PACRG: variants seen among roughly 807,000 people sequenced by gnomAD.
PACRG encodes the protein parkin coregulated gene protein.
A neutral mutation model predicts 29.7 loss-of-function variants in PACRG; 29 were observed. The ratio of observed to expected loss-of-function variants is 0.98; its 90% confidence interval spans 0.73 to 1.33. The LOEUF (loss-of-function observed/expected upper bound fraction) is 1.33, where lower values mean the gene tolerates loss of function less well. PACRG is among the 40% of genes most tolerant of loss of function. The pLI, the probability that PACRG is intolerant of heterozygous loss-of-function variation, is 0.00. For missense variants in PACRG, 279 were observed against 316.2 expected (o/e 0.88, Z 0.89); for synonymous variants, 116 against 118.7 (o/e 0.98, Z 0.15).
intron 2 of PACRG, among the ~76,000 whole-genome samples, chr6:162,846,823 G>GCACACTGTCCACTGTGCTCCC (rs1562657956): frequency 2.0e-5 from 3 of 151,430 alleles, no homozygotes; most frequent in Admixed American, 6.6e-5. Context: ...TCTGTGCTCC[G>GCACACTGTCCACTGTGCTCCC]CACACTGTCC....
intron 1 of PACRG, among the ~76,000 whole-genome samples, chr6:162,757,491 T>C (rs1021181249): frequency 2.6e-5 from 4 of 152,122 alleles, no homozygotes; most frequent in Non-Finnish European, 5.9e-5. Flanking sequence ...GCAGATCACC[T>C]GAGGTCAGGA....
In PACRG at chr6:163,162,859, G is replaced by C. The variant is rs79820765; in HGVS notation, c.613+73451G>C. Among the ~76,000 whole-genome samples the C allele has an allele frequency of 1.4e-3, 216 of 152,334 alleles. 1 individual carries two copies. Among genetic ancestry groups the C allele is most frequent in the African/African-American group, 5.1e-3 (210 of 41,566 alleles). On this transcript the variant is annotated intron_variant, in intron 4 of 4. Transcript: ENST00000366888. ...CTCTAACTCTGACTATGAAACTGGT[G>C]ATGAAGACAGAGCCAGTCCTTCTGG...
chr6:163,255,864 G>C (rs1783085910), intron 4 of PACRG, among the ~76,000 whole-genome samples: 1 of 152,104 alleles, frequency 6.6e-6, no homozygotes, highest in Non-Finnish European at 1.5e-5. Flanking sequence ...TCAAACTCCT[G>C]GCCTCAAGTG....
At chr6:162,984,085 C>A (rs529477458) in intron 2 of PACRG, among the ~76,000 whole-genome samples, 1 of 151,812 alleles carries the variant, frequency 6.6e-6, no homozygotes, top group African/African-American at 2.4e-5. Flanking sequence ...TGAATAATTT[C>A]TTTAGTGGTG....
chr6:162,862,664 C>T (rs1319006652), intron 2 of PACRG, among the ~76,000 whole-genome samples: 1 of 152,190 alleles, frequency 6.6e-6, no homozygotes, highest in Non-Finnish European at 1.5e-5. Context: ...GAAAAGCTTG[C>T]TTGTCTGCTT....
intron 2 of PACRG, among the ~76,000 whole-genome samples, chr6:163,022,128 G>C (rs1028459622): frequency 6.6e-6 from 1 of 152,168 alleles, no homozygotes; most frequent in African/African-American, 2.4e-5. Context: ...AGTGCACTCA[G>C]ACCATCTGAA....
chr6:162,820,188 T>G (rs1245719871), intron 2 of PACRG, among the ~76,000 whole-genome samples: 2 of 152,220 alleles, frequency 1.3e-5, no homozygotes, highest in Non-Finnish European at 2.9e-5. Context: ...ATAAATTAAT[T>G]AGATGCATAA....
intron 4 of PACRG, among the ~76,000 whole-genome samples, chr6:163,203,904 G>A (rs1235422006): frequency 6.6e-6 from 1 of 152,208 alleles, no homozygotes. Flanking sequence ...TCATATTGGG[G>A]TATAGTTGTT....
intron 2 of PACRG, among the ~76,000 whole-genome samples, chr6:162,987,523 C>G (rs115632464): frequency 6.6e-6 from 1 of 152,072 alleles, no homozygotes; most frequent in Non-Finnish European, 1.5e-5. Context: ...ATAAGTCCCA[C>G]GAGATCTGAT....
intron 2 of PACRG, among the ~76,000 whole-genome samples, chr6:163,015,589 A>C (rs1202561841): frequency 6.6e-6 from 1 of 152,006 alleles, no homozygotes; most frequent in Admixed American, 6.6e-5. Flanking sequence ...ATGTATTCCT[A>C]GGTATTTTCT....
At chr6:163,138,506 T>C (rs1313454145) in intron 4 of PACRG, among the ~76,000 whole-genome samples, 1 of 152,168 alleles carries the variant, frequency 6.6e-6, no homozygotes, top group Non-Finnish European at 1.5e-5. Flanking sequence ...ATGAAACTGC[T>C]CCACCTCAGA....
At chr6:163,251,105 TA>T (rs771316501) in intron 4 of PACRG, among the ~76,000 whole-genome samples, 3 of 151,622 alleles carry the variant, frequency 2.0e-5, no homozygotes, top group Non-Finnish European at 4.4e-5. Flanking sequence ...TCTGGGAGCT[TA>T]GGGGGAAGAG....
chr6:162,810,274 T>G (rs1181502041), intron 1 of PACRG, among the ~76,000 whole-genome samples: 1 of 152,126 alleles, frequency 6.6e-6, no homozygotes, highest in Non-Finnish European at 1.5e-5. Flanking sequence ...TACCCCAACT[T>G]GGCAGTAATA....
intron 2 of PACRG, among the ~76,000 whole-genome samples, chr6:163,007,647 G>A (rs1385672165): frequency 1.3e-5 from 2 of 152,172 alleles, no homozygotes; most frequent in Non-Finnish European, 2.9e-5. Context: ...TTTGTGTCCT[G>A]CTTCTTAGGG....
chr6:163,137,815 A>T (rs924832114), intron 4 of PACRG, among the ~76,000 whole-genome samples: 1 of 152,230 alleles, frequency 6.6e-6, no homozygotes. Context: ...AGCTGGCCCC[A>T]CAGCCCGGCC....
intron 3 of PACRG, among the ~76,000 whole-genome samples, chr6:163,079,751 T>C (rs1812896864): frequency 6.6e-6 from 1 of 152,162 alleles, no homozygotes; most frequent in South Asian, 2.1e-4. Context: ...GTCTTCTATT[T>C]TGTGCACATC....
chr6:163,240,187 C>A (rs770415274), intron 4 of PACRG, among the ~76,000 whole-genome samples: 1 of 151,948 alleles, frequency 6.6e-6, no homozygotes, highest in Admixed American at 6.6e-5. Flanking sequence ...GTGCCTCCGC[C>A]GGGCCTGTGG....
intron 4 of PACRG, among the ~76,000 whole-genome samples, chr6:163,277,310 C>A (rs149824785): frequency 6.6e-6 from 1 of 152,072 alleles, no homozygotes; most frequent in South Asian, 2.1e-4. Context: ...CATGCCTTTG[C>A]GTCCTCATAG....
intron 4 of PACRG, among the ~76,000 whole-genome samples, chr6:163,229,235 G>T (rs191505625): frequency 1.4e-3 from 206 of 152,214 alleles, no homozygotes; most frequent in African/African-American, 4.5e-3. Context: ...CACACCTATG[G>T]CACTCAGGGG....
Sources: allele counts gnomAD v4.1 joint callset (sites outside exome capture counted in the v4.1 genomes callset), GRCh38; gene constraint gnomAD v4.1.1; transcripts MANE v1.5; gene names NCBI Gene and HGNC (gene_info 2026-07-23, HGNC 2026-07-21).